Variants in RREB1 observed in about 807,000 individuals in gnomAD.
The protein encoded by RREB1 is ras-responsive element-binding protein 1.
Under a neutral mutation model 117.8 loss-of-function variants are expected in RREB1, and 27 were observed. The ratio of observed to expected loss-of-function variants is 0.23; its 90% CI spans 0.17 to 0.32. The LOEUF (loss-of-function observed/expected upper bound fraction) is 0.32. RREB1 is among the 10% of genes least tolerant of loss of function. The pLI, the probability that RREB1 is intolerant of heterozygous loss-of-function variation, is 1.00. For synonymous variants in RREB1, 1,298 were observed against 1,026.7 expected, an observed-to-expected ratio of 1.26 and a Z score of -5.05; for missense variants, 2,577 against 2,378.2, an observed-to-expected ratio of 1.08 and a Z score of -1.74.
chr6:7,190,966 G>A (rs1284829124), intron 6 of RREB1, among the ~76,000 whole-genome samples: 1 of 152,224 alleles, frequency 6.6e-6, no homozygotes, highest in African/African-American at 2.4e-5. Flanking sequence ...GCCCCTCCTA[G>A]TGGCGTTTTG....
At position 7,143,702 on chromosome 6, in the gene RREB1, G is replaced by A. The variant is rs772267703; in HGVS notation, c.-284-32953G>A. On this transcript the variant is annotated intron_variant, in intron 1 of 12. Transcript: ENST00000379938. Reference sequence around the variant, plus strand: ...GCAAAGTCGGCTGCTCATCATTCGGGTGCAGACTTTACAGCCTCTGAACAG... The same window carrying A: ...GCAAAGTCGGCTGCTCATCATTCGGATGCAGACTTTACAGCCTCTGAACAG... 4.6e-5 allele frequency among the ~76,000 whole-genome samples: 7 copies of A among 152,116 alleles called. No individual in the cohort carries two copies. In the South Asian group the frequency reaches 1.2e-3, roughly 27 times the overall value.
intron 8 of RREB1, among the ~76,000 whole-genome samples, chr6:7,223,477 C>T (rs1017044390): frequency 7.6e-5 from 11 of 144,894 alleles, no homozygotes; most frequent in African/African-American, 3.0e-4. Context: ...GGGAGAATCA[C>T]TTGAACCGGG....
intron 1 of RREB1, among the ~76,000 whole-genome samples, chr6:7,120,298 A>G (rs1430775819): frequency 2.0e-5 from 3 of 152,080 alleles, no homozygotes; most frequent in African/African-American, 7.2e-5. Context: ...ACAAAAAAAT[A>G]CAAACCTTAG....
chr6:7,147,427 C>T (rs565767658), intron 1 of RREB1, among the ~76,000 whole-genome samples: 148 of 152,330 alleles, frequency 9.7e-4, no homozygotes, highest in Non-Finnish European at 1.7e-3. Flanking sequence ...CAAAGGCTTA[C>T]TGCCTTTCTT....
At chr6:7,148,715 G>A (rs1214581777) in intron 1 of RREB1, among the ~76,000 whole-genome samples, 1 of 152,072 alleles carries the variant, frequency 6.6e-6, no homozygotes, top group African/African-American at 2.4e-5. Flanking sequence ...TGACACCCAG[G>A]AGTTTTATAT....
chr6:7,241,373 AGC>A (rs1768693892), intron 11 of RREB1, among the ~76,000 whole-genome samples: 1 of 152,176 alleles, frequency 6.6e-6, no homozygotes. Flanking sequence ...AACGAAAGCC[AGC>A]CTGCTGCAGG....
chr6:7,233,602 A>G (rs190095123), intron 10 of RREB1, among the ~76,000 whole-genome samples: 205 of 152,326 alleles, frequency 1.3e-3, no homozygotes, highest in Non-Finnish European at 2.4e-3. Flanking sequence ...TGTTTATCCA[A>G]AATTCAAATT....
At chr6:7,168,256 A>G (rs1039032075) in intron 1 of RREB1, among the ~76,000 whole-genome samples, 3 of 131,960 alleles carry the variant, frequency 2.3e-5, no homozygotes, top group South Asian at 2.2e-4. Flanking sequence ...CTCCGTCTGA[A>G]AAAAAAAAAA....
chr6:7,134,711 A>G lies in RREB1; in HGVS notation c.-285+26651A>G, dbSNP rs1358315914. On this transcript the variant is annotated intron_variant, in intron 1 of 12. Coordinates refer to ENST00000379938, the MANE Select transcript of RREB1 (RefSeq NM_001003699.4). ...TTAATTGATTTCTAGATGCTTGATG[A>G]GCAAATGAATAAGTGGATCCCTTGA... Among the ~76,000 whole-genome samples the G allele has an allele frequency of 2.0e-5, 3 of 152,340 alleles. No homozygotes were observed. The East Asian group carries it at 5.8e-4, about 29-fold the overall frequency.
rs764057508 is a variant in RREB1, at chr6:7,226,445, T to G, written c.708-22T>G. 3 of 1,587,744 alleles carry G rather than the reference T, an allele frequency of 1.9e-6. No individual in the cohort carries two copies. In the East Asian group the frequency reaches 6.8e-5, roughly 36 times the overall value. On this transcript the variant is annotated intron_variant, in intron 8 of 12. Transcript: ENST00000379938. ...ATATGCTCTCCCTTTCTGCCTCATA[T>G]GTTCTCCCTTTCCTCTCCTAGATGT...
In RREB1 at chr6:7,181,693, C is replaced by G. The variant is rs960527380; in HGVS notation, c.-42-177C>G. On this transcript the variant is annotated intron_variant, in intron 3 of 12. Transcript: ENST00000379938. Reference sequence around the variant, plus strand: ...TTACTTCGTCCTTGGTATGCCAAGACTTGGTTTAAATGAAAGCTTCCATCA... The same window carrying G: ...TTACTTCGTCCTTGGTATGCCAAGAGTTGGTTTAAATGAAAGCTTCCATCA... 2.0e-4 allele frequency: 128 copies of G among 636,018 alleles called. 1 individual carries two copies. The highest frequency in any genetic ancestry group is 1.6e-4 in the Non-Finnish European group (57 of 361,870). 39.4% of individuals were successfully genotyped at this position (636,018 alleles called of 1,614,324 possible).
At position 7,226,582 on chromosome 6, in the gene RREB1, C is replaced by G. The variant is rs1015258887; in HGVS notation, c.823C>G (p.Pro275Ala). 1 of 1,614,038 alleles carries G rather than the reference C, an allele frequency of 6.2e-7. No homozygotes were observed. The highest frequency in any genetic ancestry group is 8.5e-7 in the Non-Finnish European group (1 of 1,180,018). Reference sequence around the variant, plus strand: ...GGGCAGACCTTTCATACAGAACAACCCTTCAATTCCTGCTGGCTTCCACGA... The same window carrying G: ...GGGCAGACCTTTCATACAGAACAACGCTTCAATTCCTGCTGGCTTCCACGA... ...AMGRPFIQNNPSIPAGFHDLG... is the reference protein window; with the variant it reads ...AMGRPFIQNNASIPAGFHDLG... Residue 275 changes from proline (P) to alanine (A), a missense_variant, in exon 9 of 13, where the codon CCT becomes GCT. Pro to Ala is a conservative substitution (Grantham distance 27). Coordinates refer to ENST00000379938, the MANE Select transcript of RREB1 (RefSeq NM_001003699.4).
chr6:7,232,243 G>A (rs957501857), intron 10 of RREB1, among the ~76,000 whole-genome samples: 2 of 152,198 alleles, frequency 1.3e-5, no homozygotes, highest in African/African-American at 4.8e-5. Context: ...ATTATCTGCT[G>A]GGTTAAACAG....
intron 6 of RREB1, among the ~76,000 whole-genome samples, chr6:7,191,923 T>C (rs1488452309): frequency 6.6e-6 from 1 of 152,122 alleles, no homozygotes; most frequent in Admixed American, 6.5e-5. Context: ...CAATGTCAAA[T>C]AGAAGTGAAG....
intron 4 of RREB1, among the ~76,000 whole-genome samples, chr6:7,185,439 G>A (rs1004797938): frequency 5.9e-5 from 9 of 152,042 alleles, no homozygotes; most frequent in South Asian, 2.1e-4. Context: ...GTGTGGTGGC[G>A]CACACCTGTA....
Position 7,231,190 on chromosome 6 carries a change from G to A in RREB1, c.3091G>A (p.Gly1031Ser), listed in dbSNP as rs751096070. Residue 1031 changes from glycine to serine, a missense_variant, in exon 10 of 13, where the codon GGC (glycine) becomes AGC (serine). Physicochemically the swap from Gly to Ser is moderately conservative, Grantham distance 56 (BLOSUM62 0). Transcript: ENST00000379938. ...SALVSSPPLV[G>S]SSALLSGTAL... The stretch of plus-strand genomic sequence containing the variant: ...CCTGGTCAGCAGCCCTCCACTCGTG[G>A]GCAGCTCAGCCCTCCTGAGTGGCAC... 3.1e-6 allele frequency: 5 copies of A among 1,611,378 alleles called. No individual in the cohort carries two copies. The highest frequency in any genetic ancestry group is 4.2e-6 in the Non-Finnish European group (5 of 1,179,234).
intron 10 of RREB1, among the ~76,000 whole-genome samples, chr6:7,237,092 T>A (rs1204728173): frequency 6.6e-6 from 1 of 151,782 alleles, no homozygotes; most frequent in Non-Finnish European, 1.5e-5. Flanking sequence ...CTGGCTAATT[T>A]TTTTATTTTT....
At chr6:7,202,120 T>C (rs142471031) in intron 6 of RREB1, among the ~76,000 whole-genome samples, 1 of 152,294 alleles carries the variant, frequency 6.6e-6, no homozygotes, top group Non-Finnish European at 1.5e-5. Context: ...CCGTAAGTAA[T>C]ATAACACAAC....
intron 1 of RREB1, among the ~76,000 whole-genome samples, chr6:7,120,086 TCCCCAC>T (rs1761606214): frequency 6.6e-6 from 1 of 151,704 alleles, no homozygotes; most frequent in Non-Finnish European, 1.5e-5. Flanking sequence ...TATATTTATG[TCCCCAC>T]CCCCACCCCC....
Sources: gnomAD v4.1 joint callset for allele counts (sites outside exome capture counted in the v4.1 genomes callset) on GRCh38, gnomAD v4.1.1 for gene constraint, MANE v1.5 for transcripts, NCBI Gene and HGNC (gene_info 2026-07-23, HGNC 2026-07-21) for gene names.